The following EYS variants were observed in gnomAD, a reference collection of about 807,000 sequenced individuals.
EYS encodes the protein protein eyes shut homolog.
A neutral mutation model predicts 282.1 loss-of-function variants in EYS; 250 were observed. That is an observed-to-expected ratio of 0.89 (90% CI 0.80 to 0.98). The LOEUF (loss-of-function observed/expected upper bound fraction) is 0.98, where lower values mean the gene tolerates loss of function less well. Ranked by LOEUF, EYS falls within the 50% of genes least tolerant of loss-of-function variation. EYS has a pLI of 0.00. For synonymous variants in EYS, 1,355 were observed against 1,282.9 expected (o/e 1.06, Z -1.20); for missense variants, 4,016 against 3,709.0 (o/e 1.08, Z -2.15).
intron 12 of EYS, among the ~76,000 whole-genome samples, chr6:65,117,669 T>C (rs889408232): frequency 6.6e-6 from 1 of 152,118 alleles, no homozygotes; most frequent in African/African-American, 2.4e-5. Flanking sequence ...AAAAACATAA[T>C]ATACTTTATG....
intron 35 of EYS, among the ~76,000 whole-genome samples, chr6:63,972,425 T>C (rs1766620099): frequency 6.6e-6 from 1 of 152,216 alleles, no homozygotes; most frequent in Non-Finnish European, 1.5e-5. Flanking sequence ...ACATACCTCT[T>C]GACTGTTAGA....
At position 65,484,137 on chromosome 6, in the gene EYS, C is replaced by CAA. The variant is rs55699254; in HGVS notation, c.862+6455_862+6456dup. Among the ~76,000 whole-genome samples the CAA allele has an allele frequency of 8.9e-4, 129 of 144,368 alleles. 1 individual carries two copies. Among genetic ancestry groups the CAA allele is most frequent in the African/African-American group, 2.9e-3 (115 of 39,866 alleles). The allele number at this position is 144,368 out of a possible 152,430, so 94.7% of individuals were successfully genotyped here. Reference sequence around the variant, plus strand: ...ACAGGCTGTACATCTCAAAATATTTCAAAAAAAAAAAACCCTATTATAGTT... The same window carrying CAA: ...ACAGGCTGTACATCTCAAAATATTTCAAAAAAAAAAAAAACCCTATTATAGTT... On this transcript the variant is annotated intron_variant, in intron 5 of 42. Transcript: ENST00000503581.
chr6:65,334,807 T>C (rs1769921406), intron 11 of EYS, 173 bp downstream of exon 11: 3 of 588,568 alleles, frequency 5.1e-6, no homozygotes, highest in Non-Finnish European at 8.9e-6. Flanking sequence ...ACATAACATG[T>C]ATTATGTAAC....
chr6:64,050,584 C>A (rs1404447800), intron 33 of EYS, among the ~76,000 whole-genome samples: 2 of 152,140 alleles, frequency 1.3e-5, no homozygotes, highest in Non-Finnish European at 2.9e-5. Flanking sequence ...TTCTTTCTTT[C>A]TTTCCTAGTA....
intron 39 of EYS, among the ~76,000 whole-genome samples, chr6:63,779,996 T>G (rs1316281047): frequency 6.6e-6 from 1 of 152,108 alleles, no homozygotes; most frequent in Non-Finnish European, 1.5e-5. Context: ...GAACATGCAG[T>G]GTTTGGTTTT....
chr6:64,118,214 A>G (rs1773455662), intron 31 of EYS, among the ~76,000 whole-genome samples: 2 of 152,244 alleles, frequency 1.3e-5, no homozygotes, highest in Admixed American at 1.3e-4. Flanking sequence ...GTATAAAGCC[A>G]CAAGCCATCT....
chr6:65,224,394 T>C lies in EYS; in HGVS notation c.2023+71469A>G, dbSNP rs550740968. 7.4e-4 allele frequency among the ~76,000 whole-genome samples: 113 copies of C among 152,126 alleles called. 1 individual carries two copies. Among genetic ancestry groups the C allele is most frequent in the African/African-American group, 2.7e-3 (110 of 41,492 alleles). On this transcript the variant is annotated intron_variant, in intron 12 of 42. Transcript: ENST00000503581. ...AAAAAGATATACAGTATGCCAAAAC[T>C]TACAGACTGCGGTAAAGGAGTACTT... is the stretch of plus-strand genomic sequence containing the variant.
chr6:64,333,541 A>C (rs1309550058), intron 29 of EYS, among the ~76,000 whole-genome samples: 1 of 152,132 alleles, frequency 6.6e-6, no homozygotes, highest in East Asian at 1.9e-4. Context: ...CCAAGAAGTG[A>C]AGATAGGGTG....
intron 35 of EYS, among the ~76,000 whole-genome samples, chr6:63,896,412 A>G (rs1006481863): frequency 3.3e-5 from 5 of 152,126 alleles, no homozygotes; most frequent in African/African-American, 1.2e-4. Context: ...TTTATTTTTC[A>G]GAGGAATTTT....
At chr6:65,365,610 T>G (rs12213559) in intron 8 of EYS, among the ~76,000 whole-genome samples, 102,541 of 151,270 alleles carry the variant, frequency 0.68, 35,004 homozygotes, top group South Asian at 0.71. Flanking sequence ...ATGGCCTGTC[T>G]TCCTCAACAT....
intron 1 of EYS, among the ~76,000 whole-genome samples, chr6:65,688,622 C>T (rs948961462): frequency 2.0e-5 from 3 of 151,812 alleles, no homozygotes; most frequent in African/African-American, 7.3e-5. Flanking sequence ...GCAAACTACT[C>T]ATCTGAAAAA....
chr6:65,050,817 C>T (rs1773248812), intron 13 of EYS, among the ~76,000 whole-genome samples: 1 of 151,604 alleles, frequency 6.6e-6, no homozygotes, highest in African/African-American at 2.4e-5. Flanking sequence ...ATACTTAAAT[C>T]TGCTTTCTAA....
chr6:64,927,627 G>A (rs985218880), intron 15 of EYS, among the ~76,000 whole-genome samples: 8 of 152,110 alleles, frequency 5.3e-5, no homozygotes, highest in African/African-American at 1.4e-4. Context: ...AATCTTAAGG[G>A]TTCTGGTGTA....
At chr6:64,890,847 A>G (rs981211645) in intron 18 of EYS, among the ~76,000 whole-genome samples, 2 of 152,160 alleles carry the variant, frequency 1.3e-5, no homozygotes, top group African/African-American at 2.4e-5. Context: ...AATATGAATC[A>G]TAATGATCCT....
At chr6:63,934,723 G>A (rs1352389499) in intron 35 of EYS, among the ~76,000 whole-genome samples, 1 of 147,252 alleles carries the variant, frequency 6.8e-6, no homozygotes, top group African/African-American at 2.5e-5. Flanking sequence ...CACAGGAAGG[G>A]GAGCATCACA....
intron 12 of EYS, among the ~76,000 whole-genome samples, chr6:65,197,757 C>T (rs1765804929): frequency 1.3e-5 from 2 of 151,954 alleles, no homozygotes; most frequent in East Asian, 3.9e-4. Flanking sequence ...AGTAAAAATT[C>T]AGTATAGAAG....
intron 33 of EYS, among the ~76,000 whole-genome samples, chr6:64,007,270 A>G (rs185799327): frequency 1.1e-4 from 17 of 151,544 alleles, no homozygotes; most frequent in African/African-American, 4.1e-4. Flanking sequence ...TAGGTTTTCT[A>G]GTTTGTGTGC....
In EYS at chr6:65,544,099, CTGTTT is replaced by C. The variant is rs544166458; in HGVS notation, c.-332-48111_-332-48107del. On this transcript the variant is annotated intron_variant, in intron 2 of 42. Transcript: ENST00000503581. The stretch of plus-strand genomic sequence containing the variant: ...TCTTTACAGACCCTATATGGAAGAT[CTGTTT>C]TGTTTTGTTTTGTTTTTCCATTTAA... 1.4e-3 allele frequency among the ~76,000 whole-genome samples: 209 copies of C among 151,510 alleles called. 1 individual carries two copies. Among genetic ancestry groups the C allele is most frequent in the African/African-American group, 4.8e-3 (199 of 41,310 alleles).
intron 30 of EYS, among the ~76,000 whole-genome samples, chr6:64,250,846 T>C (rs1767186112): frequency 6.6e-6 from 1 of 152,216 alleles, no homozygotes; most frequent in African/African-American, 2.4e-5. Context: ...TCTTCCATTA[T>C]TTTTAGACGT....
Sources: gnomAD v4.1 joint callset for allele counts (sites outside exome capture counted in the v4.1 genomes callset) on GRCh38, gnomAD v4.1.1 for gene constraint, MANE v1.5 for transcripts, NCBI Gene and HGNC (gene_info 2026-07-23, HGNC 2026-07-21) for gene names.